Variants in CDH23 observed in about 807,000 individuals in gnomAD.
CDH23 encodes cadherin related 23, also known as cadherin-23.
In CDH23, 189 loss-of-function variants were observed where a neutral mutation model predicts 317.1. That is an observed-to-expected ratio of 0.60 (90% CI 0.53 to 0.67). The LOEUF is 0.67. Ranked by LOEUF, CDH23 falls within the 30% of genes least tolerant of loss-of-function variation. The pLI, the probability that CDH23 is intolerant of heterozygous loss-of-function variation, is 0.00. For missense variants in CDH23, 4,401 were observed against 4,592.4 expected, an observed-to-expected ratio of 0.96 and a Z score of 1.20; for synonymous variants, 1,839 against 1,876.8, an observed-to-expected ratio of 0.98 and a Z score of 0.52.
Position 71,803,055 on chromosome 10 carries a change from C to T in CDH23, c.7640C>T (p.Ser2547Leu). The change falls in exon 54 of 70, where the codon TCA (serine) becomes TTA (leucine). Residue 2547 changes from serine to leucine, a missense_variant. Physicochemically the swap from Ser to Leu is moderately radical, Grantham distance 145. Transcript: ENST00000224721. Reference sequence around the variant, plus strand: ...GGTCCCAATGGAGAGTTGACCTACTCACTTGAGGGCCCTGGCGTGGGTATG... The same window carrying T: ...GGTCCCAATGGAGAGTTGACCTACTTACTTGAGGGCCCTGGCGTGGGTATG... ...DEGPNGELTY[S>L]LEGPGVEAFH... 3 of 1,611,578 alleles carry T rather than the reference C, an allele frequency of 1.9e-6. No individual in the cohort carries two copies. The highest frequency in any genetic ancestry group is 1.7e-6 in the Non-Finnish European group (2 of 1,177,926).
intron 11 of CDH23, among the ~76,000 whole-genome samples, chr10:71,637,821 T>A (rs1862347019): frequency 6.6e-6 from 1 of 152,038 alleles, no homozygotes; most frequent in Non-Finnish European, 1.5e-5. Context: ...GCCCTTTATC[T>A]TGCCCCAGCA....
chr10:71,427,028 G>A (rs1360923643), intron 1 of CDH23, among the ~76,000 whole-genome samples: 1 of 151,660 alleles, frequency 6.6e-6, no homozygotes, highest in Non-Finnish European at 1.5e-5. Context: ...GCACGCTCCT[G>A]TAGTCCCAGC....
chr10:71,470,314 C>G (rs1038247027), intron 3 of CDH23, among the ~76,000 whole-genome samples: 5 of 152,166 alleles, frequency 3.3e-5, no homozygotes, highest in Non-Finnish European at 5.9e-5. Flanking sequence ...TTAACCATTT[C>G]TATGTGTACA....
At chr10:71,445,102 T>C (rs1329012112) in intron 2 of CDH23, among the ~76,000 whole-genome samples, 1 of 152,184 alleles carries the variant, frequency 6.6e-6, no homozygotes, top group Non-Finnish European at 1.5e-5. Flanking sequence ...TCTGAAGCCA[T>C]CACAGAGCAG....
intron 11 of CDH23, chr10:71,622,872 GC>G: frequency 5.2e-6 from 5 of 969,444 alleles, no homozygotes; most frequent in Non-Finnish European, 6.1e-6. Flanking sequence ...AGAGGCCTCA[GC>G]TGCCAGATTC....
intron 3 of CDH23, among the ~76,000 whole-genome samples, chr10:71,447,529 G>A (rs1057238612): frequency 6.6e-6 from 1 of 152,066 alleles, no homozygotes; most frequent in African/African-American, 2.4e-5. Context: ...TTGTCCCCAC[G>A]GCCCAGTAGC....
intron 38 of CDH23, chr10:71,760,845 G>A: frequency 6.2e-7 from 1 of 1,607,374 alleles, no homozygotes; most frequent in Non-Finnish European, 8.5e-7. Flanking sequence ...GAACCCAAAA[G>A]GGGCAAGAGG....
At chr10:71,423,170 A>C (rs1848890822) in intron 1 of CDH23, among the ~76,000 whole-genome samples, 1 of 152,162 alleles carries the variant, frequency 6.6e-6, no homozygotes, top group African/African-American at 2.4e-5. Flanking sequence ...AGTGAAAGAG[A>C]CAGGCGTGTG....
In CDH23 at chr10:71,785,271, C is replaced by A. The variant is rs78823426; in HGVS notation, c.5712+171C>A. ...TGGAATCTTGGATTCACCAGTGAAC[C>A]ATCTCTGGAGTCCACCTAGAGCCAG... On this transcript the variant is annotated intron_variant, in intron 43 of 69. Coordinates refer to ENST00000224721, the MANE Select transcript of CDH23 (RefSeq NM_022124.6). 4.4e-3 allele frequency among the ~76,000 whole-genome samples: 664 copies of A among 152,344 alleles called. 39 individuals carry two copies. In the East Asian group the frequency reaches 0.12, roughly 27 times the overall value.
chr10:71,725,491 G>A lies in CDH23; in HGVS notation c.3550G>A (p.Asp1184Asn), dbSNP rs397517325. The A allele has an allele frequency of 1.5e-5, 25 of 1,613,776 alleles. No individual in the cohort carries two copies. The highest frequency in any genetic ancestry group is 1.2e-4 in the African/African-American group (9 of 75,060). ...GCTGATAGTGGAGGCCTACAACCAC[G>A]ACCTGGGCCCCATGCGGAGCTCCGT... ...HVLIVEAYNH[D>N]LGPMRSSVRV... Residue 1184 changes from aspartate to asparagine, a missense_variant, in exon 30 of 70, where the codon GAC becomes AAC. Physicochemically the swap from Asp to Asn is conservative, Grantham distance 23. Around this residue, in one of 3 missense-constraint regions of CDH23, gnomAD observed 3,068 missense variants for 3,203.3 expected, o/e 0.96. Transcript: ENST00000224721.
At chr10:71,403,407 CTCTT>C (rs1300779888) in intron 1 of CDH23, among the ~76,000 whole-genome samples, 1 of 62,800 alleles carries the variant, frequency 1.6e-5, no homozygotes, top group Non-Finnish European at 2.6e-5. Flanking sequence ...TTCTTTCTTT[CTCTT>C]CCTTCCTTCC....
At chr10:71,734,948 G>T (rs908462638) in intron 34 of CDH23, among the ~76,000 whole-genome samples, 3 of 152,234 alleles carry the variant, frequency 2.0e-5, no homozygotes, top group African/African-American at 7.2e-5. Context: ...GCTCATCCCA[G>T]CTCCACTCCT....
chr10:71,523,848 C>T (rs1182469791), intron 6 of CDH23, among the ~76,000 whole-genome samples: 2 of 152,204 alleles, frequency 1.3e-5, no homozygotes, highest in East Asian at 1.9e-4. Context: ...GGGGTCTCAT[C>T]CCGGCCCCCT....
At chr10:71,785,278 G>T (rs1238549127) in intron 43 of CDH23, among the ~76,000 whole-genome samples, 178 bp downstream of exon 43, 2 of 152,242 alleles carry the variant, frequency 1.3e-5, no homozygotes, top group African/African-American at 2.4e-5. Context: ...AACCATCTCT[G>T]GAGTCCACCT....
chr10:71,571,013 T>C (rs1857763564), intron 8 of CDH23, 95 bp downstream of exon 8: 1 of 1,432,494 alleles, frequency 7.0e-7, no homozygotes. Flanking sequence ...TGGGCTGGGC[T>C]CCTCCTTGGC....
chr10:71,602,341 T>C (rs1367901177), intron 9 of CDH23, among the ~76,000 whole-genome samples: 1 of 152,130 alleles, frequency 6.6e-6, no homozygotes, highest in African/African-American at 2.4e-5. Flanking sequence ...AGCTCTGTTC[T>C]CCCAGCAGCC....
chr10:71,782,879 T>C (rs1340495467), intron 41 of CDH23, among the ~76,000 whole-genome samples: 1 of 152,218 alleles, frequency 6.6e-6, no homozygotes, highest in Non-Finnish European at 1.5e-5. Context: ...GCGGAAGGGC[T>C]GGTGGGAAAT....
chr10:71,815,273 C>A lies in CDH23; in HGVS notation c.10060C>A (p.Leu3354Met), dbSNP rs993295059. 1 of 1,561,520 alleles carries A rather than the reference C, an allele frequency of 6.4e-7. No homozygotes were observed. Among genetic ancestry groups the A allele is most frequent in the East Asian group, 2.3e-5 (1 of 44,206 alleles). The change falls in exon 70 of 70, where the codon CTG becomes ATG. Residue 3354 changes from leucine (L) to methionine (M), a missense_variant. By Grantham distance (15) the Leu-to-Met change is conservative. This residue lies in a region of CDH23 where 1,144 missense variants were observed against 1,138.2 expected (regional missense o/e 1.01). Transcript: ENST00000224721. ...IMETPLEITEL is the reference protein window; with the variant it reads ...IMETPLEITEM ...GGAGACCCCCCTGGAGATCACAGAG[C>A]TGTGACTAGACAGGGAAGCCTTGTG...
chr10:71,459,115 T>A (rs1484882849), intron 3 of CDH23, among the ~76,000 whole-genome samples: 1 of 110,744 alleles, frequency 9.0e-6, no homozygotes, highest in East Asian at 3.1e-4. Flanking sequence ...TGAGATAGGG[T>A]CTTGCTCTGT....
Sources: allele counts gnomAD v4.1 joint callset (sites outside exome capture counted in the v4.1 genomes callset), GRCh38; gene constraint gnomAD v4.1.1; regional missense constraint gnomAD v4.1.1; transcripts MANE v1.5; gene names NCBI Gene and HGNC (gene_info 2026-07-23, HGNC 2026-07-21).